FCGR2B: variants seen among roughly 807,000 people sequenced by gnomAD.
FCGR2B encodes the protein Fc gamma receptor IIb.
FCGR2B carries 18 observed loss-of-function variants against 24.8 expected under a neutral mutation model. The observed-to-expected ratio is 0.73, with a 90% CI of 0.50 to 1.08. The LOEUF (loss-of-function observed/expected upper bound fraction) is 1.08. Ranked by LOEUF, FCGR2B falls within the 50% of genes least tolerant of loss-of-function variation. The pLI is 0.00. For missense variants in FCGR2B, 215 were observed against 297.6 expected (o/e 0.72, Z 2.04); for synonymous variants, 79 against 109.8 (o/e 0.72, Z 1.75).
In FCGR2B at chr1:161,677,446, A is replaced by G. The variant is rs573429399; in HGVS notation, c.856-30A>G. On this transcript the variant is annotated intron_variant, in intron 7 of 7. Coordinates refer to ENST00000358671, the MANE Select transcript of FCGR2B (RefSeq NM_001394477.1). The stretch of plus-strand genomic sequence containing the variant: ...CTTCTTTCCTAGGCCCTCTCTGTGG[A>G]TCCTTACTGCTGGTTTCTGCCTTCT... 1.1e-5 allele frequency: 17 copies of G among 1,611,008 alleles called. No homozygotes were observed. In the African/African-American group the frequency reaches 2.3e-4, roughly 22 times the overall value.
chr1:161,648,809 C>T, the FCGR2B span, among the ~76,000 whole-genome samples: 2 of 150,736 alleles, frequency 1.3e-5, no homozygotes, highest in Non-Finnish European at 2.9e-5. Context: ...CATGCCTCAG[C>T]CTCCAGAGTA....
chr1:161,661,140 GAGAA>G (rs1424220240), upstream of FCGR2B, among the ~76,000 whole-genome samples: 14 of 90,748 alleles, frequency 1.5e-4, 3 homozygotes, highest in African/African-American at 3.7e-4. Flanking sequence ...GAAAAAGAAA[GAGAA>G]AGAAAGAAAG....
chr1:161,652,819 C>T, the FCGR2B span, among the ~76,000 whole-genome samples: 7 of 134,360 alleles, frequency 5.2e-5, no homozygotes, highest in African/African-American at 1.5e-4. Context: ...GAGCTGGGTT[C>T]GGGTTTTATT....
At chr1:161,656,161 T>A in the FCGR2B span, among the ~76,000 whole-genome samples, 9 of 138,806 alleles carry the variant, frequency 6.5e-5, no homozygotes, top group African/African-American at 2.0e-4. Context: ...CCAGCCTCAA[T>A]TTTTAATTCT....
the FCGR2B span, among the ~76,000 whole-genome samples, chr1:161,652,045 AGTGTGTGTGTGTGT>A: frequency 1.2e-4 from 13 of 104,638 alleles, no homozygotes; most frequent in Admixed American, 3.4e-4. Context: ...TATGTTTAGG[AGTGTGTGTGTGTGT>A]GTGTGTGTGT....
chr1:161,647,549 A>T, the FCGR2B span, among the ~76,000 whole-genome samples: 1 of 149,500 alleles, frequency 6.7e-6, no homozygotes, highest in South Asian at 2.1e-4. Flanking sequence ...GATTCCCCCC[A>T]CCGCCTCGGC....
chr1:161,650,424 T>C, the FCGR2B span, among the ~76,000 whole-genome samples: 1 of 145,236 alleles, frequency 6.9e-6, no homozygotes, highest in African/African-American at 2.6e-5. Flanking sequence ...TGAGGAGTCA[T>C]CAGCATATAG....
chr1:161,651,726 G>A, the FCGR2B span, among the ~76,000 whole-genome samples: 1 of 119,648 alleles, frequency 8.4e-6, no homozygotes, highest in East Asian at 2.1e-4. Flanking sequence ...ACCTGAGGTC[G>A]GGAGTTGAGA....
the FCGR2B span, among the ~76,000 whole-genome samples, chr1:161,650,003 A>G: frequency 6.6e-6 from 1 of 150,646 alleles, no homozygotes; most frequent in South Asian, 2.1e-4. Context: ...AAAAAAAAAT[A>G]TGCGTATGTG....
intron 1 of FCGR2B, among the ~76,000 whole-genome samples, chr1:161,669,415 AC>A (rs1681479690): frequency 7.5e-6 from 1 of 134,216 alleles, no homozygotes; most frequent in South Asian, 2.8e-4. Flanking sequence ...TACTAAAAAT[AC>A]AAAACTTAGC....
the FCGR2B span, among the ~76,000 whole-genome samples, chr1:161,654,145 G>A: frequency 2.3e-5 from 3 of 132,924 alleles, no homozygotes; most frequent in East Asian, 1.9e-4. Flanking sequence ...TGCAATAGCC[G>A]CTGTTCTTAT....
chr1:161,677,486 C>T lies in FCGR2B; in HGVS notation c.866C>T (p.Thr289Ile). 1 of 1,613,958 alleles carries T rather than the reference C, an allele frequency of 6.2e-7. No individual in the cohort carries two copies. The change falls in exon 8 of 8, where the codon ACA (threonine) becomes ATA (isoleucine). Residue 289 changes from threonine to isoleucine, a missense_variant. Thr to Ile is a moderately conservative substitution (Grantham distance 89, BLOSUM62 -1). Coordinates refer to ENST00000358671, the MANE Select transcript of FCGR2B (RefSeq NM_001394477.1). ...TTCTGCCTTCTCTAGGCTGAGAACA[C>T]AATCACCTATTCACTTCTCATGCAC... ...DEADKVGAEN[T>I]ITYSLLMHPD...
At position 161,671,450 on chromosome 1, in the gene FCGR2B, G is replaced by A. The variant is rs775823175; in HGVS notation, c.192G>A (p.Glu64=). The A allele has an allele frequency of 3.7e-6, 6 of 1,614,080 alleles. No homozygotes were observed. Among genetic ancestry groups the A allele is most frequent in the African/African-American group, 2.7e-5 (2 of 74,908 alleles). Residue 64 remains glutamate (E), a synonymous_variant, in exon 3 of 8, where the codon GAG becomes GAA. Coordinates refer to ENST00000358671, the MANE Select transcript of FCGR2B (RefSeq NM_001394477.1). The part of the protein sequence containing the change: ...LEPQWINVLQ[E]DSVTLTCRGT... ...CCCAGTGGATCAACGTGCTCCAGGAGGACTCTGTGACTCTGACATGCCGGG... is the reference window on the plus strand; with the variant it reads ...CCCAGTGGATCAACGTGCTCCAGGAAGACTCTGTGACTCTGACATGCCGGG...
the FCGR2B span, among the ~76,000 whole-genome samples, chr1:161,649,691 C>T: frequency 2.0e-5 from 3 of 150,002 alleles, no homozygotes; most frequent in Non-Finnish European, 4.4e-5. Flanking sequence ...AGTCTGCTGG[C>T]ACCTTGATCT....
chr1:161,654,264 C>G, the FCGR2B span, among the ~76,000 whole-genome samples: 1 of 130,084 alleles, frequency 7.7e-6, no homozygotes, highest in African/African-American at 2.5e-5. Context: ...GAGGACAGGG[C>G]TTTTTCAGTG....
chr1:161,647,672 ATC>A, the FCGR2B span, among the ~76,000 whole-genome samples: 2 of 150,754 alleles, frequency 1.3e-5, no homozygotes, highest in Non-Finnish European at 2.9e-5. Context: ...AACCACTCAG[ATC>A]TCTCTTTCAT....
chr1:161,672,703 T>A (rs1176444479), intron 3 of FCGR2B: 3 of 541,890 alleles, frequency 5.5e-6, no homozygotes, highest in Admixed American at 3.3e-5. Context: ...AGGAGATGAG[T>A]GTATCCTGAA....
At chr1:161,648,617 G>C in the FCGR2B span, among the ~76,000 whole-genome samples, 1 of 150,754 alleles carries the variant, frequency 6.6e-6, no homozygotes, top group East Asian at 1.9e-4. Flanking sequence ...TATGTCTTTT[G>C]TCAAATATAC....
intron 3 of FCGR2B, chr1:161,672,772 G>A (rs1622924): frequency 1.7e-4 from 144 of 843,900 alleles, no homozygotes; most frequent in African/African-American, 1.2e-3. Flanking sequence ...TCATTTTCAC[G>A]AATGAGGAAA....
Sources: allele counts gnomAD v4.1 joint callset (sites outside exome capture counted in the v4.1 genomes callset), GRCh38; gene constraint gnomAD v4.1.1; transcripts MANE v1.5; gene names NCBI Gene and HGNC (gene_info 2026-07-23, HGNC 2026-07-21).